Variants in TNFRSF10B observed in about 807,000 individuals in gnomAD.
TNFRSF10B encodes TNF receptor superfamily member 10b, also known as tumor necrosis factor receptor superfamily member 10B.
A neutral mutation model predicts 41.4 loss-of-function variants in TNFRSF10B; 35 were observed. The ratio of observed to expected loss-of-function variants is 0.85; its 90% CI spans 0.65 to 1.12. The LOEUF (loss-of-function observed/expected upper bound fraction) is 1.12. TNFRSF10B is among the 50% of genes most tolerant of loss of function. The pLI is 0.00. For missense variants in TNFRSF10B, 584 were observed against 552.7 expected (o/e 1.06, Z -0.57); for synonymous variants, 230 against 215.5 (o/e 1.07, Z -0.59).
chr8:23,068,653 AC>A, intron 1 of TNFRSF10B, 97 bp downstream of exon 1: 1 of 1,482,888 alleles, frequency 6.7e-7, no homozygotes, highest in Non-Finnish European at 9.0e-7. Context: ...GCCGCAGGCG[AC>A]CCGGGCCACG....
chr8:23,025,220 A>G (rs1215659819), intron 7 of TNFRSF10B, among the ~76,000 whole-genome samples: 1 of 152,180 alleles, frequency 6.6e-6, no homozygotes, highest in Non-Finnish European at 1.5e-5. Context: ...AAGACCCAAA[A>G]TGCAAAGAAA....
chr8:23,025,247 T>C (rs535111467), intron 7 of TNFRSF10B, among the ~76,000 whole-genome samples: 1 of 152,252 alleles, frequency 6.6e-6, no homozygotes, highest in South Asian at 2.1e-4. Flanking sequence ...TGATGAGGAA[T>C]AGGAAAAATT....
intron 8 of TNFRSF10B, 26 bp downstream of exon 8, chr8:23,024,162 T>G (rs1381547666): frequency 6.2e-7 from 1 of 1,613,974 alleles, no homozygotes; most frequent in East Asian, 2.2e-5. Flanking sequence ...CCATTCCTGC[T>G]GCATCTCCAG....
chr8:23,037,804 C>T (rs556031057), intron 2 of TNFRSF10B, among the ~76,000 whole-genome samples: 2 of 152,290 alleles, frequency 1.3e-5, no homozygotes, highest in Non-Finnish European at 2.9e-5. Flanking sequence ...AATTATCCTC[C>T]AATACATGCG....
chr8:23,067,387 C>A (rs1301462749), intron 1 of TNFRSF10B, among the ~76,000 whole-genome samples: 1 of 151,978 alleles, frequency 6.6e-6, no homozygotes, highest in Admixed American at 6.6e-5. Context: ...GAAAAATCTT[C>A]CAAGTAGAAA....
chr8:23,049,098 C>T (rs919797858), intron 1 of TNFRSF10B, among the ~76,000 whole-genome samples: 1 of 152,066 alleles, frequency 6.6e-6, no homozygotes, highest in Non-Finnish European at 1.5e-5. Flanking sequence ...AAACTGGAAC[C>T]TTCGTGCCCT....
chr8:23,053,837 G>A (rs1812588772), intron 1 of TNFRSF10B, among the ~76,000 whole-genome samples: 1 of 152,158 alleles, frequency 6.6e-6, no homozygotes, highest in Admixed American at 6.6e-5. Context: ...AACATGAAAT[G>A]GTGTTTGGCT....
rs764703796 is a variant in TNFRSF10B at position 23,069,025 on chromosome 8, C to T, written c.-131G>A. 33 of 1,456,448 alleles carry T rather than the reference C, an allele frequency of 2.3e-5. No individual in the cohort carries two copies. Among genetic ancestry groups the T allele is most frequent in the Non-Finnish European group, 3.1e-5 (33 of 1,062,300 alleles). 90.2% of individuals were successfully genotyped at this position (1,456,448 alleles called of 1,614,324 possible). A position where few individuals can be genotyped will look rare whatever the true frequency, so the allele number is the denominator to read the frequency against. ...TCCGGCCGCGTGCTGATTTATGTGT[C>T]CAGGCTGACTTGGGGCGGCGCGGCT... On this transcript the variant is annotated 5_prime_UTR_variant, in exon 1 of 9. Transcript: ENST00000276431.
At chr8:23,065,629 G>A (rs774551307) in intron 1 of TNFRSF10B, among the ~76,000 whole-genome samples, 22 of 152,150 alleles carry the variant, frequency 1.4e-4, no homozygotes, top group Non-Finnish European at 2.5e-4. Context: ...TTAACTAAAT[G>A]AGCCCCTGAA....
intron 2 of TNFRSF10B, among the ~76,000 whole-genome samples, chr8:23,031,106 C>T (rs937847936): frequency 2.6e-5 from 4 of 152,214 alleles, no homozygotes; most frequent in African/African-American, 9.6e-5. Context: ...GACGTAGTCT[C>T]ACTCTGTCAC....
intron 1 of TNFRSF10B, among the ~76,000 whole-genome samples, chr8:23,058,402 G>T (rs770593089): frequency 2.0e-4 from 31 of 151,764 alleles, no homozygotes; most frequent in Non-Finnish European, 3.8e-4. Context: ...ACCAATTTTT[G>T]TCCATTCTAT....
intron 2 of TNFRSF10B, among the ~76,000 whole-genome samples, chr8:23,036,810 T>C (rs558101885): frequency 2.3e-4 from 35 of 152,284 alleles, no homozygotes; most frequent in South Asian, 1.9e-3. Flanking sequence ...CCCATTGCAC[T>C]CTAGCCCGGG....
intron 2 of TNFRSF10B, among the ~76,000 whole-genome samples, chr8:23,035,998 C>T (rs1202927323): frequency 6.6e-6 from 1 of 152,178 alleles, no homozygotes; most frequent in African/African-American, 2.4e-5. Context: ...TGGCAGACAG[C>T]AATGCTGTTT....
intron 7 of TNFRSF10B, among the ~76,000 whole-genome samples, chr8:23,025,724 G>A (rs1811682644): frequency 1.3e-5 from 2 of 152,134 alleles, no homozygotes; most frequent in South Asian, 4.1e-4. Flanking sequence ...GAAGGCTCTT[G>A]GTATGATCAA....
At chr8:23,029,138 A>C (rs944773682) in intron 4 of TNFRSF10B, among the ~76,000 whole-genome samples, 1 of 152,158 alleles carries the variant, frequency 6.6e-6, no homozygotes, top group Non-Finnish European at 1.5e-5. Flanking sequence ...GGGTGGGCTC[A>C]GGTCCTCATG....
intron 1 of TNFRSF10B, among the ~76,000 whole-genome samples, chr8:23,061,332 G>A (rs891284182): frequency 6.6e-6 from 1 of 152,030 alleles, no homozygotes; most frequent in Non-Finnish European, 1.5e-5. Flanking sequence ...CTTACCACTT[G>A]GTTTGAAATC....
chr8:23,065,551 A>G (rs1812956775), intron 1 of TNFRSF10B, among the ~76,000 whole-genome samples: 1 of 152,234 alleles, frequency 6.6e-6, no homozygotes, highest in Non-Finnish European at 1.5e-5. Flanking sequence ...CCCTTCCCAC[A>G]GTGGACAGAA....
intron 1 of TNFRSF10B, among the ~76,000 whole-genome samples, chr8:23,044,986 C>A (rs993686393): frequency 7.0e-6 from 1 of 143,268 alleles, no homozygotes; most frequent in African/African-American, 2.6e-5. Flanking sequence ...GAGGCCGAGA[C>A]GGATGGATCA....
chr8:23,054,477 T>A (rs1416530539), intron 1 of TNFRSF10B, among the ~76,000 whole-genome samples: 3 of 152,242 alleles, frequency 2.0e-5, no homozygotes, highest in African/African-American at 7.2e-5. Context: ...TCTTAAGTTA[T>A]GGCAATATAG....
Sources: allele counts gnomAD v4.1 joint callset (sites outside exome capture counted in the v4.1 genomes callset), GRCh38; gene constraint gnomAD v4.1.1; transcripts MANE v1.5; gene names NCBI Gene and HGNC (gene_info 2026-07-23, HGNC 2026-07-21).